Variants in ITGB4 observed in about 807,000 individuals in gnomAD.
The protein encoded by ITGB4 is integrin beta-4.
A neutral mutation model predicts 207.6 loss-of-function variants in ITGB4; 159 were observed. The observed-to-expected ratio is 0.77, with a 90% CI of 0.67 to 0.87. ITGB4 has a LOEUF of 0.87. Ranked by LOEUF, ITGB4 falls within the 40% of genes least tolerant of loss-of-function variation. The pLI, the probability that ITGB4 is intolerant of heterozygous loss-of-function variation, is 0.00. For synonymous variants in ITGB4, 1,020 were observed against 1,062.7 expected (o/e 0.96, Z 0.78); for missense variants, 2,278 against 2,546.8 (o/e 0.89, Z 2.27).
chr17:75,727,679 G>A lies in ITGB4; in HGVS notation c.293G>A (p.Arg98His), dbSNP rs143114124. The part of the protein sequence containing the change: ...EETQIDTTLR[R>H]SQMSPQGLRV... ...ACCCAGATTGACACCACCCTGCGGC[G>A]CAGCCAGATGTCCCCCCAAGGCCTG... The change falls in exon 5 of 40, where the codon CGC becomes CAC. Residue 98 changes from arginine to histidine, a missense_variant. Physicochemically the swap from Arg to His is conservative, Grantham distance 29. Transcript: ENST00000200181. This position sits in a 1 kb window ranked among gnomAD's most constrained non-coding sequence, Gnocchi z 6.0. The A allele has an allele frequency of 3.7e-5, 60 of 1,609,782 alleles. No individual in the cohort carries two copies. The African/African-American group carries it at 3.7e-4, about 10-fold the overall frequency.
Position 75,752,367 on chromosome 17 carries a change from G to A in ITGB4, c.3976+11G>A, listed in dbSNP as rs2143413331. 6.2e-7 allele frequency: 1 copy of A among 1,612,630 alleles called. No homozygotes were observed. Among genetic ancestry groups the A allele is most frequent in the Non-Finnish European group, 8.5e-7 (1 of 1,179,728 alleles). On this transcript the variant is annotated intron_variant, in intron 31 of 39. Transcript: ENST00000200181. ...AGAGGCCCATGTCCAGTGAGTGGTG[G>A]GCAGGGAGGTGAGGGGCAGACCGGG...
Position 75,731,276 on chromosome 17 carries a change from C to T in ITGB4, c.1123C>T (p.Leu375=). 2.5e-6 allele frequency: 4 copies of T among 1,613,562 alleles called. No individual in the cohort carries two copies. The highest frequency in any genetic ancestry group is 3.4e-6 in the Non-Finnish European group (4 of 1,180,026). The part of the protein sequence containing the change: ...RIRSNLDIRA[L]DSPRGLRTEV... ...CCGCTCCAACCTGGACATCCGGGCC[C>T]TAGACAGCCCCCGAGGCCTTCGGAC... Residue 375 remains leucine, a synonymous_variant, in exon 10 of 40, where the codon CTA becomes TTA. Transcript: ENST00000200181. This position sits in a 1 kb window ranked among gnomAD's most constrained non-coding sequence, Gnocchi z 6.8.
chr17:75,755,251 C>T (rs202105174), intron 34 of ITGB4: 2 of 1,580,754 alleles, frequency 1.3e-6, no homozygotes, highest in East Asian at 4.5e-5. Flanking sequence ...CACAGCTGTC[C>T]TGCTCCATCT....
intron 35 of ITGB4, 30 bp from the exon 36 acceptor site, chr17:75,756,399 C>T (rs12453552): frequency 1.9e-6 from 3 of 1,611,856 alleles, no homozygotes; most frequent in South Asian, 2.2e-5. Context: ...TAACACTGCA[C>T]TACTGTGTGC....
At position 75,721,567 on chromosome 17, in the gene ITGB4, G is replaced by C. The variant is rs1391556124; in HGVS notation, c.-56G>C. 6.6e-6 allele frequency: 1 copy of C among 152,178 alleles called. No individual in the cohort carries two copies. The highest frequency in any genetic ancestry group is 1.5e-5 in the Non-Finnish European group (1 of 68,068). 9.4% of individuals were successfully genotyped at this position (152,178 alleles called of 1,614,324 possible). On this transcript the variant is annotated 5_prime_UTR_variant, in exon 1 of 40. Coordinates refer to ENST00000200181, the MANE Select transcript of ITGB4 (RefSeq NM_000213.5). Reference sequence around the variant, plus strand: ...GAGGGAGCGAGTCCGCCCCGAGGTAGGTCCAGGACGGGCGCACAGCAGCAG... The same window carrying C: ...GAGGGAGCGAGTCCGCCCCGAGGTACGTCCAGGACGGGCGCACAGCAGCAG...
chr17:75,736,086 G>A lies in ITGB4; in HGVS notation c.1693G>A (p.Glu565Lys). Residue 565 changes from glutamate to lysine, a missense_variant, in exon 14 of 40, where the codon GAG (glutamate) becomes AAG (lysine). Glu to Lys is a moderately conservative substitution (Grantham distance 56). Coordinates refer to ENST00000200181, the MANE Select transcript of ITGB4 (RefSeq NM_000213.5). ...CTGCTCCATGGGCCAGTGTGTGTGT[G>A]AGCCTGGTTGGACAGGCCCAAGCTG... ...GRCSMGQCVC[E>K]PGWTGPSCDC... 6.2e-7 allele frequency: 1 copy of A among 1,614,132 alleles called. No homozygotes were observed. Among genetic ancestry groups the A allele is most frequent in the Non-Finnish European group, 8.5e-7 (1 of 1,180,016 alleles).
At chr17:75,741,055 T>C in intron 23 of ITGB4, 50 bp downstream of exon 23, 1 of 1,597,074 alleles carries the variant, frequency 6.3e-7, no homozygotes, top group Non-Finnish European at 8.5e-7. Context: ...TGCCCGCCTG[T>C]CCCCAGCCCA....
rs566354566 is a variant in ITGB4, at chr17:75,730,492, T to C, written c.990T>C (p.Tyr330=). Residue 330 remains tyrosine, a synonymous_variant, in exon 8 of 40, where the codon TAT becomes TAC. Transcript: ENST00000200181. The part of the protein sequence containing the change: ...IPIFAVTNYS[Y]SYYEKLHTYF... The stretch of plus-strand genomic sequence containing the variant: ...TCTTTGCTGTCACCAACTACTCCTA[T>C]AGCTACTACGAGGTGCGGGGCCCAG... 1.2e-6 allele frequency: 2 copies of C among 1,613,732 alleles called. No individual in the cohort carries two copies. Among genetic ancestry groups the C allele is most frequent in the Non-Finnish European group, 1.7e-6 (2 of 1,179,992 alleles).
In ITGB4 at chr17:75,757,222, C is replaced by A. The variant is rs11465; in HGVS notation, c.5241C>A (p.Ser1747Arg). The A allele has an allele frequency of 6.2e-7, 1 of 1,612,060 alleles. No homozygotes were observed. The highest frequency in any genetic ancestry group is 1.1e-5 in the South Asian group (1 of 91,084). Reference protein sequence around the residue: ...QDGGPFPQLGSRAGLFQHPLQ... With the variant: ...QDGGPFPQLGRRAGLFQHPLQ... ...CAGGACCCTTCCCGCAGCTGGGCAG[C>A]CGTGCCGGGCTCTTCCAGCACCCGC... Residue 1747 changes from serine (S) to arginine (R), a missense_variant, in exon 39 of 40, where the codon AGC (serine) becomes AGA (arginine). Ser to Arg is a moderately radical substitution (Grantham distance 110). Coordinates refer to ENST00000200181, the MANE Select transcript of ITGB4 (RefSeq NM_000213.5).
At chr17:75,747,968 T>C (rs189348387) in intron 26 of ITGB4, among the ~76,000 whole-genome samples, 1 of 152,298 alleles carries the variant, frequency 6.6e-6, no homozygotes, top group Admixed American at 6.5e-5. Context: ...CTGCTGCGCC[T>C]GGAATTGAAA....
intron 26 of ITGB4, among the ~76,000 whole-genome samples, chr17:75,744,859 C>T (rs1176839847): frequency 6.6e-6 from 1 of 151,778 alleles, no homozygotes; most frequent in Non-Finnish European, 1.5e-5. Context: ...GAACTCCTGA[C>T]CTCAAGTGAT....
chr17:75,724,425 G>A (rs1379829107), intron 1 of ITGB4, among the ~76,000 whole-genome samples: 2 of 152,276 alleles, frequency 1.3e-5, no homozygotes, highest in South Asian at 2.1e-4. Flanking sequence ...TGAGAGGCCT[G>A]GCACTGGGAC....
At chr17:75,752,691 G>A in intron 32 of ITGB4, 114 bp downstream of exon 32, 1 of 1,382,012 alleles carries the variant, frequency 7.2e-7, no homozygotes, top group East Asian at 2.3e-5. Context: ...GGAGGTTAAG[G>A]CAGCCTTGGA....
At position 75,739,996 on chromosome 17, in the gene ITGB4, C is replaced by T. The variant is rs1368715042; in HGVS notation, c.2371C>T (p.Arg791Cys). ...SGNLKGRDVV[R>C]WKVTNNMQRP... ...GAACCTCAAGGGCCGTGACGTGGTC[C>T]GCTGGAAGGTCACCAACAACATGCA... Residue 791 changes from arginine to cysteine, a missense_variant, in exon 20 of 40, where the codon CGC becomes TGC. Transcript: ENST00000200181. The surrounding 1 kb of genome is among the most constrained non-coding windows in gnomAD (Gnocchi z 5.4). 4 of 1,613,102 alleles carry T rather than the reference C, an allele frequency of 2.5e-6. No homozygotes were observed. Among genetic ancestry groups the T allele is most frequent in the East Asian group, 2.2e-5 (1 of 44,890 alleles).
chr17:75,742,898 T>G lies in ITGB4; in HGVS notation c.2962+137T>G, dbSNP rs556042300. 5.2e-4 allele frequency: 419 copies of G among 809,508 alleles called. 1 individual carries two copies. Among genetic ancestry groups the G allele is most frequent in the Non-Finnish European group, 7.7e-4 (396 of 517,610 alleles). 50.1% of individuals were successfully genotyped at this position (809,508 alleles called of 1,614,324 possible). ...CTCTGCAAGCCTTGGTTTCTCCATC[T>G]GTAAAATGGGTAAGGGCTCTTTTAC... On this transcript the variant is annotated intron_variant, in intron 25 of 39. Transcript: ENST00000200181. The surrounding 1 kb of genome is among the most constrained non-coding windows in gnomAD (Gnocchi z 5.9).
chr17:75,739,703 G>T lies in ITGB4; in HGVS notation c.2252G>T (p.Arg751Leu), dbSNP rs774290507. 6.8e-6 allele frequency: 11 copies of T among 1,614,118 alleles called. No homozygotes were observed. In the South Asian group the frequency reaches 1.1e-4, roughly 16 times the overall value. The change falls in exon 19 of 40, where the codon CGA (arginine) becomes CTA (leucine). Residue 751 changes from arginine (R) to leucine (L), a missense_variant and splice_region_variant. Physicochemically the swap from Arg to Leu is moderately radical, Grantham distance 102. Transcript: ENST00000200181. This position sits in a 1 kb window ranked among gnomAD's most constrained non-coding sequence, Gnocchi z 5.4. The part of the protein sequence containing the change: ...ACLALLPCCN[R>L]GHMVGFKEDH... The stretch of plus-strand genomic sequence containing the variant: ...CTGGCACTTCTCCCGTGCTGCAACC[G>T]AGGTATGGGCCTGGCATCGCAGGGG...
At position 75,755,077 on chromosome 17, in the gene ITGB4, C is replaced by T. The variant is rs764440115; in HGVS notation, c.4558+262C>T. The T allele has an allele frequency of 1.2e-5, 19 of 1,599,854 alleles. No individual in the cohort carries two copies. The East Asian group carries it at 1.4e-4, about 11-fold the overall frequency. On this transcript the variant is annotated intron_variant, in intron 34 of 39. Coordinates refer to ENST00000200181, the MANE Select transcript of ITGB4 (RefSeq NM_000213.5). ...TAGGCCTCCCTCCCATCTGGGAACACGGGAGGAGCAGGCTTCCGCTGTCCT... is the reference window on the plus strand; with the variant it reads ...TAGGCCTCCCTCCCATCTGGGAACATGGGAGGAGCAGGCTTCCGCTGTCCT...
chr17:75,724,455 C>T (rs1343058925), intron 1 of ITGB4, among the ~76,000 whole-genome samples: 3 of 152,250 alleles, frequency 2.0e-5, no homozygotes, highest in Non-Finnish European at 4.4e-5. Flanking sequence ...AACCAGAGTC[C>T]TTGAGGGCTG....
At chr17:75,726,841 A>G (rs953952113) in intron 2 of ITGB4, among the ~76,000 whole-genome samples, 2 of 152,232 alleles carry the variant, frequency 1.3e-5, no homozygotes, top group African/African-American at 4.8e-5. Context: ...TGGAAGGCCA[A>G]GGCGGGTGGA....
Sources: allele counts gnomAD v4.1 joint callset (sites outside exome capture counted in the v4.1 genomes callset), GRCh38; gene constraint gnomAD v4.1.1; non-coding constraint Gnocchi (gnomAD v3.1); transcripts MANE v1.5; gene names NCBI Gene and HGNC (gene_info 2026-07-23, HGNC 2026-07-21).